The following EBF2 variants were observed in gnomAD, a reference collection of about 807,000 sequenced individuals.
The protein encoded by EBF2 is EBF transcription factor 2.
Under a neutral mutation model 72.8 loss-of-function variants are expected in EBF2, and 21 were observed. The ratio of observed to expected loss-of-function variants is 0.29; its 90% CI spans 0.20 to 0.42. The LOEUF (loss-of-function observed/expected upper bound fraction) is 0.42, where lower values mean the gene tolerates loss of function less well. Ranked by LOEUF, EBF2 falls within the 10% of genes least tolerant of loss-of-function variation. The probability of loss-of-function intolerance (pLI) is 1.00; values close to 1 mark genes in which losing one functional copy is unlikely to be tolerated. For synonymous variants in EBF2, 299 were observed against 274.2 expected, an observed-to-expected ratio of 1.09 and a Z score of -0.89; for missense variants, 637 against 731.2, an observed-to-expected ratio of 0.87 and a Z score of 1.49.
At chr8:25,941,091 C>T (rs1384939827) in intron 6 of EBF2, among the ~76,000 whole-genome samples, 1 of 152,126 alleles carries the variant, frequency 6.6e-6, no homozygotes, top group East Asian at 1.9e-4. Flanking sequence ...GGGAGTATGA[C>T]ATCAAATCTC....
intron 7 of EBF2, among the ~76,000 whole-genome samples, chr8:25,900,930 C>A: frequency 6.6e-6 from 1 of 152,092 alleles, no homozygotes; most frequent in East Asian, 1.9e-4. Flanking sequence ...CTACAGTTAA[C>A]AACCATGTAT....
intron 6 of EBF2, among the ~76,000 whole-genome samples, chr8:26,009,107 G>GAAAAAAAAA (rs66503039): frequency 1.2e-5 from 1 of 85,028 alleles, no homozygotes; most frequent in Non-Finnish European, 2.1e-5. Flanking sequence ...GAGTAAAAGC[G>GAAAAAAAAA]AAAAAAAAAA....
intron 6 of EBF2, among the ~76,000 whole-genome samples, chr8:25,987,042 T>A (rs1804472409): frequency 8.1e-6 from 1 of 123,024 alleles, no homozygotes; most frequent in Non-Finnish European, 2.0e-5. Flanking sequence ...GATTTTACCC[T>A]GGAATTAAAA....
At chr8:25,864,824 G>C (rs1245025009) in intron 10 of EBF2, among the ~76,000 whole-genome samples, 1 of 145,330 alleles carries the variant, frequency 6.9e-6, no homozygotes, top group Non-Finnish European at 1.5e-5. Flanking sequence ...TTGAGACAGA[G>C]TCTCACTCTG....
intron 6 of EBF2, among the ~76,000 whole-genome samples, chr8:26,005,491 T>TATTATAA (rs1290335482): frequency 3.2e-5 from 3 of 94,040 alleles, no homozygotes; most frequent in African/African-American, 1.3e-4. Flanking sequence ...ATAAAATATA[T>TATTATAA]ATTATAAAAT....
At chr8:26,007,263 G>T (rs919295786) in intron 6 of EBF2, among the ~76,000 whole-genome samples, 1 of 152,172 alleles carries the variant, frequency 6.6e-6, no homozygotes, top group Admixed American at 6.5e-5. Context: ...GCCAGGCTGT[G>T]TGTCCTGCCT....
rs1805051796 is a variant in EBF2, at chr8:26,013,025, G to C, written c.551+20060C>G. Among the ~76,000 whole-genome samples, 2 of 152,136 alleles carry C rather than the reference G, an allele frequency of 1.3e-5. 1 individual carries two copies. Among genetic ancestry groups the C allele is most frequent in the South Asian group, 4.1e-4 (2 of 4,830 alleles). On this transcript the variant is annotated intron_variant, in intron 6 of 15. Transcript: ENST00000520164. Reference sequence around the variant, plus strand: ...AAATATAGACAATCAACAAGTAAATGAGTCAAATATATGGCATCCTAGTTG... The same window carrying C: ...AAATATAGACAATCAACAAGTAAATCAGTCAAATATATGGCATCCTAGTTG...
At position 26,044,655 on chromosome 8, in the gene EBF2, C is replaced by CGGGG. The variant is rs11135911; in HGVS notation, c.131+70_131+73dup. 6.5e-7 allele frequency: 1 copy of CGGGG among 1,535,724 alleles called. No individual in the cohort carries two copies. The highest frequency in any genetic ancestry group is 1.4e-5 in the African/African-American group (1 of 72,684). ...GGGAGAGAGAAAGGCACGGGGTGCG[C>CGGGG]GGGGGGGGTGCACACGGAGAGACAG... On this transcript the variant is annotated intron_variant, in intron 1 of 15. Transcript: ENST00000520164. This position sits in a 1 kb window ranked among gnomAD's most constrained non-coding sequence, Gnocchi z 4.1.
chr8:25,861,312 G>C lies in EBF2; in HGVS notation c.1161C>G (p.Asn387Lys), dbSNP rs1802209179. 1 of 1,614,188 alleles carries C rather than the reference G, an allele frequency of 6.2e-7. No individual in the cohort carries two copies. The highest frequency in any genetic ancestry group is 8.5e-7 in the Non-Finnish European group (1 of 1,180,008). The part of the protein sequence containing the change: ...VEALYGTPHN[N>K]QDIILKRAAD... ...GGATAGGATGTCAGTATCTCACCTG[G>C]TTATTGTGTGGTGTGCCATAAAGAG... Residue 387 changes from asparagine (N) to lysine (K), a missense_variant, in exon 12 of 16, where the codon AAC (asparagine) becomes AAG (lysine). By Grantham distance (94) the Asn-to-Lys change is moderately conservative. Around this residue, in one of 3 missense-constraint regions of EBF2, gnomAD observed 259 missense variants for 268.1 expected, o/e 0.97. Coordinates refer to ENST00000520164, the MANE Select transcript of EBF2 (RefSeq NM_022659.4).
intron 10 of EBF2, among the ~76,000 whole-genome samples, chr8:25,868,248 G>A (rs1802369402): frequency 6.6e-6 from 1 of 152,188 alleles, no homozygotes; most frequent in Middle Eastern, 3.4e-3. Context: ...GATTTTAAAA[G>A]GTGTCCTGCA....
At chr8:25,906,150 A>G (rs2117310789) in intron 7 of EBF2, among the ~76,000 whole-genome samples, 1 of 152,336 alleles carries the variant, frequency 6.6e-6, no homozygotes, top group African/African-American at 2.4e-5. Flanking sequence ...ATGACAAGGC[A>G]TTCTCCTACA....
intron 6 of EBF2, among the ~76,000 whole-genome samples, chr8:26,008,170 C>T (rs1804913331): frequency 6.6e-6 from 1 of 151,974 alleles, no homozygotes; most frequent in Non-Finnish European, 1.5e-5. Flanking sequence ...GTCTATGTTT[C>T]CCAAGCAGTA....
intron 15 of EBF2, among the ~76,000 whole-genome samples, chr8:25,847,162 C>A (rs552229315): frequency 6.6e-6 from 1 of 152,296 alleles, no homozygotes; most frequent in South Asian, 2.1e-4. Flanking sequence ...CTCAGTTCGG[C>A]ACCTTGCCTA....
intron 6 of EBF2, among the ~76,000 whole-genome samples, chr8:25,987,638 G>GTT (rs1367971367): frequency 6.6e-6 from 1 of 152,184 alleles, no homozygotes; most frequent in Non-Finnish European, 1.5e-5. Flanking sequence ...CAAAGATTAA[G>GTT]TTTTATCAAG....
chr8:25,925,860 T>C (rs553161464), intron 6 of EBF2, among the ~76,000 whole-genome samples: 1 of 152,154 alleles, frequency 6.6e-6, no homozygotes, highest in Non-Finnish European at 1.5e-5. Context: ...AGAGCCCTTA[T>C]AGCCCGTGTG....
In EBF2 at chr8:25,891,618, C is replaced by CATAGGCTA. The variant is rs368742448; in HGVS notation, c.634-1757_634-1750dup. ...TTTGAGATAGAGTCTCACTTTGTTG[C>CATAGGCTA]ATAGGCTAGAGTGCAGTGGCACCAT... On this transcript the variant is annotated intron_variant, in intron 7 of 15. Coordinates refer to ENST00000520164, the MANE Select transcript of EBF2 (RefSeq NM_022659.4). Among the ~76,000 whole-genome samples, 199 of 150,246 alleles carry CATAGGCTA rather than the reference C, an allele frequency of 1.3e-3. 1 individual carries two copies. The highest frequency in any genetic ancestry group is 4.7e-3 in the African/African-American group (193 of 40,774).
chr8:25,886,173 T>G (rs975108801), intron 10 of EBF2, among the ~76,000 whole-genome samples: 3 of 152,208 alleles, frequency 2.0e-5, no homozygotes, highest in African/African-American at 7.2e-5. Context: ...ACCAAACATT[T>G]CAAATTTATG....
chr8:25,850,835 T>C, intron 14 of EBF2, 74 bp from the exon 15 acceptor site: 1 of 1,475,576 alleles, frequency 6.8e-7, no homozygotes, highest in Middle Eastern at 1.8e-4. Flanking sequence ...CACACATTTA[T>C]TGAGAAATTG....
rs187042646 is a variant in EBF2, at chr8:26,012,217, C to T, written c.551+20868G>A. Among the ~76,000 whole-genome samples the T allele has an allele frequency of 2.5e-3, 384 of 152,188 alleles. 2 individuals are homozygous for T. The highest frequency in any genetic ancestry group is 9.0e-3 in the African/African-American group (374 of 41,506). ...AGGTGGGTTGGGGGAGAAAAAGCCACAGGTAGAACATACGAGAGAGATTTT... is the reference window on the plus strand; with the variant it reads ...AGGTGGGTTGGGGGAGAAAAAGCCATAGGTAGAACATACGAGAGAGATTTT... On this transcript the variant is annotated intron_variant, in intron 6 of 15. Transcript: ENST00000520164.
Sources: gnomAD v4.1 joint callset for allele counts (sites outside exome capture counted in the v4.1 genomes callset) on GRCh38, gnomAD v4.1.1 for gene constraint, gnomAD v4.1.1 regional missense constraint, Gnocchi (gnomAD v3.1) non-coding constraint, MANE v1.5 for transcripts, NCBI Gene and HGNC (gene_info 2026-07-23, HGNC 2026-07-21) for gene names.